Variants in KCNJ1 observed in about 807,000 individuals in gnomAD.
KCNJ1 encodes ATP-sensitive inward rectifier potassium channel 1.
Under a neutral mutation model 21.9 loss-of-function variants are expected in KCNJ1, and 24 were observed. The observed-to-expected ratio is 1.10, with a 90% CI of 0.79 to 1.54. KCNJ1 has a LOEUF of 1.54. KCNJ1 is among the 40% of genes most tolerant of loss of function. The probability of loss-of-function intolerance (pLI) is 0.00; values close to 1 mark genes in which losing one functional copy is unlikely to be tolerated. For missense variants in KCNJ1, 457 were observed against 455.4 expected, an observed-to-expected ratio of 1.00 and a Z score of -0.03; for synonymous variants, 152 against 160.9, an observed-to-expected ratio of 0.94 and a Z score of 0.42.
At chr11:128,866,424 A>G in intron 1 of KCNJ1, 1 of 271,314 alleles carries the variant, frequency 3.7e-6, no homozygotes, top group Non-Finnish European at 5.6e-6. Context: ...AAATTCAATC[A>G]TTTTTCCTAA....
In KCNJ1 at chr11:128,867,183, G is replaced by C. The variant is rs1490653181; in HGVS notation, c.-202C>G. ...TGTTTCTCCTCTTACCTCATGGATTGCTGGAGTAAATGTAGAAACAAAAAC... is the reference window on the plus strand; with the variant it reads ...TGTTTCTCCTCTTACCTCATGGATTCCTGGAGTAAATGTAGAAACAAAAAC... On this transcript the variant is annotated 5_prime_UTR_variant, in exon 1 of 3. Transcript: ENST00000392666. 1 of 152,066 alleles carries C rather than the reference G, an allele frequency of 6.6e-6. No individual in the cohort carries two copies. Among genetic ancestry groups the C allele is most frequent in the Admixed American group, 6.6e-5 (1 of 15,262 alleles). The allele number at this position is 152,066 out of a possible 1,614,324, so 9.4% of individuals were successfully genotyped here.
In KCNJ1 at chr11:128,850,872, G is replaced by A; in HGVS notation, c.-173C>T. On this transcript the variant is annotated 5_prime_UTR_variant, in exon 2 of 3. Transcript: ENST00000392666. ...TGTCAGGGCCCAGGATGGGGATGAAGGCACAGTAGAGAAGAAACCTGGTAA... is the reference window on the plus strand; with the variant it reads ...TGTCAGGGCCCAGGATGGGGATGAAAGCACAGTAGAGAAGAAACCTGGTAA... 1.0e-6 allele frequency: 1 copy of A among 985,474 alleles called. No homozygotes were observed. The highest frequency in any genetic ancestry group is 1.2e-6 in the Non-Finnish European group (1 of 829,956). The allele number at this position is 985,474 out of a possible 1,614,324, so 61.0% of individuals were successfully genotyped here. A position where few individuals can be genotyped will look rare whatever the true frequency, so the allele number is the denominator to read the frequency against.
At chr11:128,857,723 G>A (rs1234650196) in intron 1 of KCNJ1, among the ~76,000 whole-genome samples, 1 of 152,196 alleles carries the variant, frequency 6.6e-6, no homozygotes, top group Non-Finnish European at 1.5e-5. Context: ...TGCACATGGT[G>A]GATTCATAAG....
intron 2 of KCNJ1, chr11:128,842,660 C>T (rs1378287614): frequency 2.8e-6 from 2 of 703,630 alleles, no homozygotes; most frequent in Admixed American, 6.4e-5. Context: ...GCTTGAATAC[C>T]AACATGCTAA....
In KCNJ1 at chr11:128,850,772, G is replaced by C; in HGVS notation, c.-73C>G. 1.0e-6 allele frequency: 1 copy of C among 985,442 alleles called. No homozygotes were observed. Among genetic ancestry groups the C allele is most frequent in the Non-Finnish European group, 1.2e-6 (1 of 829,910 alleles). The allele number at this position is 985,442 out of a possible 1,614,324, so 61.0% of individuals were successfully genotyped here. On this transcript the variant is annotated 5_prime_UTR_variant, in exon 2 of 3. It adds an upstream start codon to the 5' untranslated region. Transcript: ENST00000392666. ...ATTTTCAAAACTTCATGTATAAGTAGATCTTGGGGTGACCAGCAAGAGCTG... is the reference window on the plus strand; with the variant it reads ...ATTTTCAAAACTTCATGTATAAGTACATCTTGGGGTGACCAGCAAGAGCTG...
chr11:128,859,167 A>G (rs1943650072), intron 1 of KCNJ1, among the ~76,000 whole-genome samples: 1 of 152,248 alleles, frequency 6.6e-6, no homozygotes, highest in Non-Finnish European at 1.5e-5. Flanking sequence ...CAGCGACCCC[A>G]TGAAGTAGGT....
At position 128,866,551 on chromosome 11, in the gene KCNJ1, A is replaced by T. The variant is rs986493107; in HGVS notation, c.-192+622T>A. ...TTCAGAGCAGAGATAAACAGTTGGCATTCACTGGTATAGAGCAATTGTCAC... is the reference window on the plus strand; with the variant it reads ...TTCAGAGCAGAGATAAACAGTTGGCTTTCACTGGTATAGAGCAATTGTCAC... On this transcript the variant is annotated intron_variant, in intron 1 of 2. Coordinates refer to ENST00000392666, the MANE Select transcript of KCNJ1 (RefSeq NM_153766.3). 12 of 975,704 alleles carry T rather than the reference A, an allele frequency of 1.2e-5. No homozygotes were observed. The African/African-American group carries it at 2.1e-4, about 17-fold the overall frequency. 60.4% of individuals were successfully genotyped at this position (975,704 alleles called of 1,614,324 possible).
chr11:128,861,033 C>T (rs963888508), intron 1 of KCNJ1, among the ~76,000 whole-genome samples: 3 of 152,224 alleles, frequency 2.0e-5, no homozygotes, highest in African/African-American at 7.2e-5. Flanking sequence ...CCTCAAGTGT[C>T]CTGCCTTCTC....
chr11:128,851,063 A>AGAG (rs1943471256), intron 1 of KCNJ1, 173 bp from the exon 2 acceptor site: 1 of 159,840 alleles, frequency 6.3e-6, no homozygotes, highest in Admixed American at 6.5e-5. Context: ...CCAAGTTCTC[A>AGAG]AACCTCTACC....
chr11:128,855,713 A>G (rs1472908979), intron 1 of KCNJ1, among the ~76,000 whole-genome samples: 1 of 152,188 alleles, frequency 6.6e-6, no homozygotes, highest in Non-Finnish European at 1.5e-5. Context: ...CAATGCTGAG[A>G]TAGGATTAAG....
chr11:128,858,450 G>A (rs1943632820), intron 1 of KCNJ1, among the ~76,000 whole-genome samples: 1 of 152,130 alleles, frequency 6.6e-6, no homozygotes, highest in Non-Finnish European at 1.5e-5. Flanking sequence ...GCTAGGGTTT[G>A]TTGAAGGAGT....
In KCNJ1 at chr11:128,839,421, C is replaced by G; in HGVS notation, c.823G>C (p.Val275Leu). ...ETLLQQDFEL[V>L]VFLDGTVEST... ...TCCACTGTGCCATCTAAAAACACCA[C>G]TAATTCAAAGTCCTGCTGGAGAAGG... Residue 275 changes from valine to leucine, a missense_variant, in exon 3 of 3, where the codon GTG (valine) becomes CTG (leucine). Transcript: ENST00000392666. 6.2e-7 allele frequency: 1 copy of G among 1,614,212 alleles called. No homozygotes were observed. The highest frequency in any genetic ancestry group is 8.5e-7 in the Non-Finnish European group (1 of 1,180,042).
intron 1 of KCNJ1, among the ~76,000 whole-genome samples, chr11:128,855,462 G>A (rs1943571780): frequency 2.0e-5 from 3 of 152,218 alleles, no homozygotes; most frequent in African/African-American, 7.2e-5. Flanking sequence ...GAGGGTGTGA[G>A]GTCCAAGCTG....
rs1262313464 is a variant in KCNJ1, at chr11:128,839,831, A to G, written c.413T>C (p.Ile138Thr). 1 of 1,614,198 alleles carries G rather than the reference A, an allele frequency of 6.2e-7. No homozygotes were observed. Among genetic ancestry groups the G allele is most frequent in the African/African-American group, 1.3e-5 (1 of 75,058 alleles). The stretch of plus-strand genomic sequence containing the variant: ...TATAGACTGAAAGATAAGCAGAAAA[A>G]TGGCAGTGGCACACTGTTCTGTCAC... ...RCVTEQCATAIFLLIFQSILG... is the reference protein window; with the variant it reads ...RCVTEQCATATFLLIFQSILG... The change falls in exon 3 of 3, where the codon ATT (isoleucine) becomes ACT (threonine). Residue 138 changes from isoleucine (I) to threonine (T), a missense_variant. Transcript: ENST00000392666.
chr11:128,847,942 C>T (rs1328206790), intron 2 of KCNJ1, among the ~76,000 whole-genome samples: 1 of 152,034 alleles, frequency 6.6e-6, no homozygotes, highest in Non-Finnish European at 1.5e-5. Context: ...AATCACGGCT[C>T]ACTGCATCCT....
At chr11:128,862,730 C>A (rs537451791) in intron 1 of KCNJ1, among the ~76,000 whole-genome samples, 1 of 152,328 alleles carries the variant, frequency 6.6e-6, no homozygotes, top group South Asian at 2.1e-4. Context: ...CTAAGGTGAC[C>A]TTAGCCCATG....
chr11:128,862,469 G>C (rs973328704), intron 1 of KCNJ1, among the ~76,000 whole-genome samples: 2 of 152,202 alleles, frequency 1.3e-5, no homozygotes, highest in South Asian at 4.1e-4. Context: ...GGAGTATTGG[G>C]AGAGGAAACA....
Position 128,839,062 on chromosome 11 carries a change from C to T in KCNJ1, c.*63G>A. On this transcript the variant is annotated 3_prime_UTR_variant, in exon 3 of 3. Coordinates refer to ENST00000392666, the MANE Select transcript of KCNJ1 (RefSeq NM_153766.3). Reference sequence around the variant, plus strand: ...CGTACCCCTAAATTGTTGACTGCTTCATAATGCTTCTAGGTACTAGGAGCT... The same window carrying T: ...CGTACCCCTAAATTGTTGACTGCTTTATAATGCTTCTAGGTACTAGGAGCT... 6.8e-7 allele frequency: 1 copy of T among 1,466,492 alleles called. No homozygotes were observed. Among genetic ancestry groups the T allele is most frequent in the Non-Finnish European group, 9.5e-7 (1 of 1,057,090 alleles). 90.8% of individuals were successfully genotyped at this position (1,466,492 alleles called of 1,614,324 possible).
At chr11:128,849,142 C>T (rs1352990462) in intron 2 of KCNJ1, among the ~76,000 whole-genome samples, 1 of 152,196 alleles carries the variant, frequency 6.6e-6, no homozygotes, top group African/African-American at 2.4e-5. Context: ...CTCATGGTAA[C>T]TCTAGGAGGC....
Sources: gnomAD v4.1 joint callset for allele counts (sites outside exome capture counted in the v4.1 genomes callset) on GRCh38, gnomAD v4.1.1 for gene constraint, MANE v1.5 for transcripts, NCBI Gene and HGNC (gene_info 2026-07-23, HGNC 2026-07-21) for gene names.